PXDN: variants seen among roughly 807,000 people sequenced by gnomAD.
PXDN encodes peroxidasin homolog.
PXDN carries 77 observed loss-of-function variants against 140.3 expected under a neutral mutation model. That is an observed-to-expected ratio of 0.55 (90% confidence interval 0.46 to 0.66). PXDN has a LOEUF of 0.66. Ranked by LOEUF, PXDN falls within the 30% of genes least tolerant of loss-of-function variation. The probability of loss-of-function intolerance (pLI) is 0.00; values close to 1 mark genes in which losing one functional copy is unlikely to be tolerated. For synonymous variants in PXDN, 911 were observed against 857.4 expected, an observed-to-expected ratio of 1.06 and a Z score of -1.09; for missense variants, 1,838 against 2,039.5, an observed-to-expected ratio of 0.90 and a Z score of 1.90.
rs780009642 is a variant in PXDN at position 1,648,983 on chromosome 2, G to C, written c.2797C>G (p.Arg933Gly). Reference sequence around the variant, plus strand: ...ACGATGCCCTGCCGCAGCAGGCCGCGGTGGCTGGCCAGGTCGCGGATGCTG... The same window carrying C: ...ACGATGCCCTGCCGCAGCAGGCCGCCGTGGCTGGCCAGGTCGCGGATGCTG... ...ARSIRDLASHRGLLRQGIVQR... is the reference protein window; with the variant it reads ...ARSIRDLASHGGLLRQGIVQR... The change falls in exon 17 of 23, where the codon CGC becomes GGC. Residue 933 changes from arginine (R) to glycine (G), a missense_variant. By Grantham distance (125) the Arg-to-Gly change is moderately radical (BLOSUM62 -2). Transcript: ENST00000252804. This position sits in a 1 kb window ranked among gnomAD's most constrained non-coding sequence, Gnocchi z 8.9. 1.7e-5 allele frequency: 27 copies of C among 1,610,394 alleles called. No homozygotes were observed. The highest frequency in any genetic ancestry group is 2.2e-5 in the Non-Finnish European group (26 of 1,178,372).
rs147098183 is a variant in PXDN at position 1,696,950 on chromosome 2, G to A, written c.201-3816C>T. 8.3e-4 allele frequency among the ~76,000 whole-genome samples: 127 copies of A among 152,266 alleles called. 2 individuals carry two copies. The Middle Eastern group carries it at 0.014, about 16-fold the overall frequency. ...TTCAAATATGAACCCCAACTTCAAGGTCACGAAGACAAATACAAGGGCTGA... is the reference window on the plus strand; with the variant it reads ...TTCAAATATGAACCCCAACTTCAAGATCACGAAGACAAATACAAGGGCTGA... On this transcript the variant is annotated intron_variant, in intron 1 of 22. Coordinates refer to ENST00000252804, the MANE Select transcript of PXDN (RefSeq NM_012293.3).
chr2:1,744,704 C>G, upstream of PXDN: 1 of 310,992 alleles, frequency 3.2e-6, no homozygotes, highest in Non-Finnish European at 5.8e-6. Context: ...AAGGCGAGCG[C>G]TCGGGGGCGC....
chr2:1,663,848 T>A, intron 11 of PXDN, 85 bp from the exon 12 acceptor site: 1 of 1,533,670 alleles, frequency 6.5e-7, no homozygotes, highest in South Asian at 1.2e-5. Context: ...CCACAGAAGC[T>A]TGTCTCCACC....
chr2:1,730,537 G>A (rs1195029509), intron 1 of PXDN, among the ~76,000 whole-genome samples: 2 of 152,190 alleles, frequency 1.3e-5, no homozygotes, highest in African/African-American at 4.8e-5. Context: ...CTTGGCTAAA[G>A]GGCAGCACCG....
At chr2:1,684,010 A>C in intron 5 of PXDN, 70 bp downstream of exon 5, 1 of 1,412,002 alleles carries the variant, frequency 7.1e-7, no homozygotes, top group Non-Finnish European at 9.7e-7. Context: ...TATTGACCTT[A>C]ATCTAACCAA....
intron 1 of PXDN, among the ~76,000 whole-genome samples, chr2:1,711,858 G>C (rs1684795124): frequency 6.8e-6 from 1 of 147,252 alleles, no homozygotes; most frequent in African/African-American, 2.5e-5. Flanking sequence ...CCTATAAATA[G>C]GGGCCTGGAC....
intron 1 of PXDN, among the ~76,000 whole-genome samples, chr2:1,696,182 T>A (rs72763575): frequency 0.19 from 29,379 of 152,316 alleles, 3,556 homozygotes; most frequent in Admixed American, 0.28. Flanking sequence ...CATGCAGAGT[T>A]CAATAAAACA....
intron 1 of PXDN, among the ~76,000 whole-genome samples, chr2:1,727,385 G>C (rs565494068): frequency 8.5e-5 from 13 of 152,314 alleles, no homozygotes; most frequent in Admixed American, 5.2e-4. Context: ...AGCATCCATT[G>C]CAAGAGCAGC....
chr2:1,674,643 C>G (rs1466833710), intron 8 of PXDN, among the ~76,000 whole-genome samples: 3 of 152,170 alleles, frequency 2.0e-5, no homozygotes, highest in African/African-American at 7.2e-5. Flanking sequence ...CTTTAGTTCC[C>G]TTTATGCAGA....
At chr2:1,700,990 C>T (rs559890827) in intron 1 of PXDN, among the ~76,000 whole-genome samples, 8 of 152,304 alleles carry the variant, frequency 5.3e-5, no homozygotes, top group South Asian at 2.1e-4. Flanking sequence ...CGATGCCACA[C>T]GCCCTCTCCC....
rs375508313 is a variant in PXDN, at chr2:1,653,284, G to A, written c.2104+344C>T. 10 of 356,758 alleles carry A rather than the reference G, an allele frequency of 2.8e-5. No homozygotes were observed. The East Asian group carries it at 3.5e-4, about 13-fold the overall frequency. 22.1% of individuals were successfully genotyped at this position (356,758 alleles called of 1,614,324 possible). ...ACAACGTCACTCAGGGAGCAAGCAC[G>A]CTGCCAAGTCCTCCCTTATGGCTCA... On this transcript the variant is annotated intron_variant, in intron 16 of 22. Coordinates refer to ENST00000252804, the MANE Select transcript of PXDN (RefSeq NM_012293.3).
chr2:1,672,799 T>C (rs1683605702), intron 9 of PXDN, among the ~76,000 whole-genome samples: 1 of 152,220 alleles, frequency 6.6e-6, no homozygotes, highest in African/African-American at 2.4e-5. Context: ...ATAACCATAA[T>C]GGCCTGAAAT....
At chr2:1,656,500 C>G (rs1036077437) in intron 14 of PXDN, among the ~76,000 whole-genome samples, 2 of 152,218 alleles carry the variant, frequency 1.3e-5, no homozygotes, top group African/African-American at 2.4e-5. Context: ...GACCTGCCCC[C>G]TCTTGACAGA....
chr2:1,722,464 T>C (rs931437307), intron 1 of PXDN, among the ~76,000 whole-genome samples: 1 of 152,342 alleles, frequency 6.6e-6, no homozygotes, highest in South Asian at 2.1e-4. Context: ...TAGCTGGCTG[T>C]GATCCTCAGA....
rs887500073 is a variant in PXDN at position 1,714,945 on chromosome 2, G to A, written c.201-21811C>T. Among the ~76,000 whole-genome samples the A allele has an allele frequency of 7.9e-5, 12 of 152,024 alleles. No individual in the cohort carries two copies. Among genetic ancestry groups the A allele is most frequent in the Non-Finnish European group, 1.0e-4 (7 of 68,010 alleles). ...TATGTCTAGCATTTATCTTTTGGGA[G>A]CATCAGGTTTTAGGCGACATATGAA... On this transcript the variant is annotated intron_variant, in intron 1 of 22. Transcript: ENST00000252804. The surrounding 1 kb of genome is among the most constrained non-coding windows in gnomAD (Gnocchi z 4.3).
At chr2:1,644,549 C>A in intron 18 of PXDN, 69 bp downstream of exon 18, 1 of 1,457,092 alleles carries the variant, frequency 6.9e-7, no homozygotes. Context: ...ACCAGGACAG[C>A]TCTTCTCCTC....
intron 1 of PXDN, among the ~76,000 whole-genome samples, chr2:1,716,534 G>A (rs1045003161): frequency 6.6e-6 from 1 of 151,646 alleles, no homozygotes; most frequent in Admixed American, 6.6e-5. Context: ...GAGGTGTACA[G>A]TGGGAAGCTG....
In PXDN at chr2:1,649,091, C is replaced by T. The variant is rs200324757; in HGVS notation, c.2689G>A (p.Val897Met). 2 of 1,612,732 alleles carry T rather than the reference C, an allele frequency of 1.2e-6. No individual in the cohort carries two copies. Among genetic ancestry groups the T allele is most frequent in the Admixed American group, 1.7e-5 (1 of 60,020 alleles). Residue 897 changes from valine (V) to methionine (M), a missense_variant, in exon 17 of 23, where the codon GTG becomes ATG. By Grantham distance (21) the Val-to-Met change is conservative. Around this residue, in one of 5 missense-constraint regions of PXDN, gnomAD observed 850 missense variants for 894.1 expected, o/e 0.95. Transcript: ENST00000252804. The surrounding 1 kb of genome is among the most constrained non-coding windows in gnomAD (Gnocchi z 7.1). ...TGGTTGATCTGCTCCCGCGGGTACACGGAGTTCATGAGCAGCGAAGTCATG... is the reference window on the plus strand; with the variant it reads ...TGGTTGATCTGCTCCCGCGGGTACATGGAGTTCATGAGCAGCGAAGTCATG... ...SGMTSLLMNSVYPREQINQLT... is the reference protein window; with the variant it reads ...SGMTSLLMNSMYPREQINQLT...
rs1683007978 is a variant in PXDN, at chr2:1,651,251, G to A, written c.2105-1576C>T. Among the ~76,000 whole-genome samples, 1 of 152,192 alleles carries A rather than the reference G, an allele frequency of 6.6e-6. No individual in the cohort carries two copies. Among genetic ancestry groups the A allele is most frequent in the Non-Finnish European group, 1.5e-5 (1 of 68,034 alleles). On this transcript the variant is annotated intron_variant, in intron 16 of 22. Coordinates refer to ENST00000252804, the MANE Select transcript of PXDN (RefSeq NM_012293.3). This position sits in a 1 kb window ranked among gnomAD's most constrained non-coding sequence, Gnocchi z 4.4. ...CACTTCCTCCCAAATGCCTGGCTGG[G>A]CTGTGGGGCTGGTCTCCGGGCTTTC...
Sources: allele counts gnomAD v4.1 joint callset (sites outside exome capture counted in the v4.1 genomes callset), GRCh38; gene constraint gnomAD v4.1.1; regional missense constraint gnomAD v4.1.1; non-coding constraint Gnocchi (gnomAD v3.1); transcripts MANE v1.5; gene names NCBI Gene and HGNC (gene_info 2026-07-23, HGNC 2026-07-21).